Variants in PUM2 observed in about 807,000 individuals in gnomAD.
PUM2 encodes the protein pumilio RNA binding family member 2, also known as pumilio homolog 2.
A neutral mutation model predicts 124.5 loss-of-function variants in PUM2; 57 were observed. That is an observed-to-expected ratio of 0.46 (90% CI 0.37 to 0.57). The LOEUF is 0.57. PUM2 is among the 20% of genes least tolerant of loss of function. The pLI is 0.00. For synonymous variants in PUM2, 460 were observed against 446.1 expected, an observed-to-expected ratio of 1.03 and a Z score of -0.39; for missense variants, 1,065 against 1,290.6, an observed-to-expected ratio of 0.83 and a Z score of 2.68.
At chr2:20,257,893 C>T (rs1381955499) in intron 16 of PUM2, among the ~76,000 whole-genome samples, 1 of 152,024 alleles carries the variant, frequency 6.6e-6, no homozygotes, top group African/African-American at 2.4e-5. Flanking sequence ...CTATTGGTTC[C>T]AAAAATTTTC....
chr2:20,280,629 GAA>G (rs1048267445), intron 12 of PUM2, among the ~76,000 whole-genome samples: 6 of 152,042 alleles, frequency 3.9e-5, no homozygotes, highest in African/African-American at 1.2e-4. Flanking sequence ...CTCCAAAAAG[GAA>G]AAGTCAAGCC....
rs1207363205 is a variant in PUM2 at position 20,276,508 on chromosome 2, A to G, written c.1957+2075T>C. Among the ~76,000 whole-genome samples the G allele has an allele frequency of 2.0e-5, 3 of 152,028 alleles. No homozygotes were observed. In the East Asian group the frequency reaches 5.8e-4, roughly 29 times the overall value. Reference sequence around the variant, plus strand: ...TCTATCTCATGATTTCATATTCTTGATATGTGAGCTCAGTAAAATTACTTT... The same window carrying G: ...TCTATCTCATGATTTCATATTCTTGGTATGTGAGCTCAGTAAAATTACTTT... On this transcript the variant is annotated intron_variant, in intron 13 of 20. Transcript: ENST00000361078.
intron 14 of PUM2, among the ~76,000 whole-genome samples, chr2:20,261,264 G>C (rs1039803580): frequency 1.3e-5 from 2 of 151,410 alleles, no homozygotes; most frequent in South Asian, 2.1e-4. Flanking sequence ...GGTGGCAGAC[G>C]CCTGTAAGCC....
chr2:20,273,521 T>G (rs1170561427), intron 13 of PUM2, among the ~76,000 whole-genome samples: 1 of 152,170 alleles, frequency 6.6e-6, no homozygotes, highest in Non-Finnish European at 1.5e-5. Flanking sequence ...AATAAAAAAT[T>G]AGTAATCTAA....
In PUM2 at chr2:20,266,102, A is replaced by T. The variant is rs77336554; in HGVS notation, c.1958-2642T>A. Among the ~76,000 whole-genome samples the T allele has an allele frequency of 9.9e-3, 1,507 of 152,298 alleles. 25 individuals are homozygous for T. Among genetic ancestry groups the T allele is most frequent in the African/African-American group, 0.033 (1,388 of 41,556 alleles). On this transcript the variant is annotated intron_variant, in intron 13 of 20. Coordinates refer to ENST00000361078, the MANE Select transcript of PUM2 (RefSeq NM_015317.5). The stretch of plus-strand genomic sequence containing the variant: ...ACACTGCCTTGAATTTTAAAAAACC[A>T]TAGACATTCAGTTCTAGAAGACTAA...
intron 19 of PUM2, among the ~76,000 whole-genome samples, 173 bp from the exon 20 acceptor site, chr2:20,254,187 G>T (rs1399870406): frequency 1.3e-5 from 2 of 151,412 alleles, no homozygotes; most frequent in African/African-American, 4.8e-5. Context: ...TTGAGACAGG[G>T]TCTTGTTCTG....
intron 8 of PUM2, 40 bp from the exon 9 acceptor site, chr2:20,294,558 A>G: frequency 1.3e-6 from 2 of 1,556,032 alleles, no homozygotes; most frequent in Non-Finnish European, 1.7e-6. Flanking sequence ...AAGTTACTAG[A>G]TTTTACATAG....
intron 3 of PUM2, among the ~76,000 whole-genome samples, chr2:20,317,517 T>G (rs1681251989): frequency 1.3e-5 from 2 of 152,090 alleles, no homozygotes; most frequent in African/African-American, 4.8e-5. Context: ...AATTAATCTA[T>G]CCCCCATTTT....
chr2:20,292,609 C>T (rs1674455284), intron 9 of PUM2, among the ~76,000 whole-genome samples: 1 of 146,980 alleles, frequency 6.8e-6, no homozygotes, highest in African/African-American at 2.4e-5. Flanking sequence ...TGATCCACTG[C>T]ACCCGGCCTA....
At chr2:20,328,330 AAAAC>A (rs1038038368) in intron 1 of PUM2, among the ~76,000 whole-genome samples, 5 of 152,128 alleles carry the variant, frequency 3.3e-5, no homozygotes, top group Admixed American at 6.5e-5. Flanking sequence ...ACTCTGTCTC[AAAAC>A]AAACAAACAA....
intron 10 of PUM2, among the ~76,000 whole-genome samples, chr2:20,289,514 G>A (rs963025400): frequency 1.3e-5 from 2 of 152,086 alleles, no homozygotes; most frequent in African/African-American, 4.8e-5. Flanking sequence ...TGACAGTAGA[G>A]TCCAGGAAGC....
intron 13 of PUM2, among the ~76,000 whole-genome samples, chr2:20,264,390 ATATATATT>A (rs1342786406): frequency 1.6e-5 from 2 of 127,714 alleles, no homozygotes; most frequent in African/African-American, 5.9e-5. Flanking sequence ...ATATATATAT[ATATATATT>A]TGACATAAAT....
intron 2 of PUM2, among the ~76,000 whole-genome samples, chr2:20,322,828 A>T (rs1248068064): frequency 6.6e-6 from 1 of 152,104 alleles, no homozygotes; most frequent in Non-Finnish European, 1.5e-5. Flanking sequence ...AAAACAAACA[A>T]AACAAACAAC....
At chr2:20,298,637 G>A (rs1256299274) in intron 7 of PUM2, among the ~76,000 whole-genome samples, 1 of 152,146 alleles carries the variant, frequency 6.6e-6, no homozygotes, top group Non-Finnish European at 1.5e-5. Context: ...GGGAGGCCGA[G>A]GCAGGTGGAA....
intron 10 of PUM2, among the ~76,000 whole-genome samples, chr2:20,283,726 G>C (rs1172939309): frequency 6.6e-6 from 1 of 151,786 alleles, no homozygotes; most frequent in Non-Finnish European, 1.5e-5. Context: ...ACAAAATGAA[G>C]AGGTATTTTC....
At chr2:20,252,240 G>A (rs76181841) in intron 20 of PUM2, among the ~76,000 whole-genome samples, 4,136 of 152,160 alleles carry the variant, frequency 0.027, 167 homozygotes, top group African/African-American at 0.094. Flanking sequence ...GCAACATAGC[G>A]AGACCGCATC....
Position 20,263,330 on chromosome 2 carries a change from C to G in PUM2, c.2088G>C (p.Arg696=). Residue 696 remains arginine, a synonymous_variant, in exon 14 of 21, where the codon CGG becomes CGC. Transcript: ENST00000361078. ...AAGGCATAATATCAGACCTATTATA[C>G]CGAAGCCGGGAAGGAGGAAAGAGCT... ...SSQLFPPSRL[R]YNRSDIMPSG... is the part of the protein sequence containing the mutation. The G allele has an allele frequency of 6.2e-7, 1 of 1,614,130 alleles. No individual in the cohort carries two copies. Among genetic ancestry groups the G allele is most frequent in the South Asian group, 1.1e-5 (1 of 91,090 alleles).
At chr2:20,346,488 C>G (rs1391801408) in intron 1 of PUM2, among the ~76,000 whole-genome samples, 1 of 152,194 alleles carries the variant, frequency 6.6e-6, no homozygotes, top group East Asian at 1.9e-4. Context: ...CCCTCTAACA[C>G]TCATTTGCCT....
intron 15 of PUM2, among the ~76,000 whole-genome samples, chr2:20,260,110 T>C (rs559763505): frequency 6.6e-6 from 1 of 152,330 alleles, no homozygotes; most frequent in South Asian, 2.1e-4. Flanking sequence ...TGCAAGTCCT[T>C]TGTCCATTTG....
Sources: allele counts gnomAD v4.1 joint callset (sites outside exome capture counted in the v4.1 genomes callset), GRCh38; gene constraint gnomAD v4.1.1; transcripts MANE v1.5; gene names NCBI Gene and HGNC (gene_info 2026-07-23, HGNC 2026-07-21).